The following GOLPH3L variants were observed in gnomAD, a reference collection of about 807,000 sequenced individuals.
GOLPH3L encodes Golgi phosphoprotein 3-like.
In GOLPH3L, 22 loss-of-function variants were observed where a neutral mutation model predicts 30.3. The ratio of observed to expected loss-of-function variants is 0.73; its 90% confidence interval spans 0.52 to 1.04. The LOEUF (loss-of-function observed/expected upper bound fraction) is 1.04. GOLPH3L is among the 50% of genes least tolerant of loss of function. GOLPH3L has a pLI of 0.00. For synonymous variants in GOLPH3L, 120 were observed against 128.2 expected (o/e 0.94, Z 0.43); for missense variants, 303 against 345.8 (o/e 0.88, Z 0.98).
rs147150176 is a variant in GOLPH3L at position 150,670,799 on chromosome 1, T to C, written c.184-7036A>G. On this transcript the variant is annotated intron_variant, in intron 2 of 4. Transcript: ENST00000271732. Reference sequence around the variant, plus strand: ...GTGGTAACTTTTTTCATTAACCCATTATTCTGGGTATCATTCCACATCAGT... The same window carrying C: ...GTGGTAACTTTTTTCATTAACCCATCATTCTGGGTATCATTCCACATCAGT... Among the ~76,000 whole-genome samples, 399 of 152,322 alleles carry C rather than the reference T, an allele frequency of 2.6e-3. 6 individuals are homozygous for C. In the Middle Eastern group the frequency reaches 0.044, roughly 17 times the overall value.
Position 150,648,519 on chromosome 1 carries a change from C to T in GOLPH3L, c.660G>A (p.Lys220=), listed in dbSNP as rs974773768. The T allele has an allele frequency of 6.2e-7, 1 of 1,613,976 alleles. No individual in the cohort carries two copies. Among genetic ancestry groups the T allele is most frequent in the Non-Finnish European group, 8.5e-7 (1 of 1,179,852 alleles). The part of the protein sequence containing the change: ...RWVNDPQRMD[K]RTLALLVLAH... ...CTAGCACCAGGAGTGCTAGTGTTCG[C>T]TTGTCCATACGCTGAGGGTCATTTA... Residue 220 remains lysine, a synonymous_variant, in exon 5 of 5, where the codon AAG becomes AAA. Transcript: ENST00000271732.
At chr1:150,670,108 A>G (rs1022040368) in intron 2 of GOLPH3L, among the ~76,000 whole-genome samples, 5 of 151,804 alleles carry the variant, frequency 3.3e-5, no homozygotes, top group African/African-American at 9.7e-5. Flanking sequence ...TAAAAAATAT[A>G]AAAATTGGCC....
intron 2 of GOLPH3L, among the ~76,000 whole-genome samples, chr1:150,675,594 T>C (rs369709115): frequency 2.6e-5 from 4 of 151,608 alleles, no homozygotes; most frequent in African/African-American, 7.3e-5. Context: ...GGGCAGCATG[T>C]TGAAACCCCG....
At chr1:150,667,848 C>A (rs1231928777) in intron 2 of GOLPH3L, among the ~76,000 whole-genome samples, 1 of 152,090 alleles carries the variant, frequency 6.6e-6, no homozygotes, top group Non-Finnish European at 1.5e-5. Flanking sequence ...CCTGCCTCGG[C>A]CTCCCAAAGT....
At chr1:150,655,221 T>C (rs189617372) in intron 4 of GOLPH3L, among the ~76,000 whole-genome samples, 1 of 152,310 alleles carries the variant, frequency 6.6e-6, no homozygotes, top group East Asian at 1.9e-4. Context: ...TCTACAGCAC[T>C]GGCCGTCTGC....
At chr1:150,676,471 T>A (rs1650779648) in intron 2 of GOLPH3L, among the ~76,000 whole-genome samples, 1 of 152,010 alleles carries the variant, frequency 6.6e-6, no homozygotes, top group African/African-American at 2.4e-5. Flanking sequence ...TAGGATTTTT[T>A]AAAAAAAGAA....
At chr1:150,679,830 T>C (rs1650908829) in intron 2 of GOLPH3L, among the ~76,000 whole-genome samples, 1 of 151,840 alleles carries the variant, frequency 6.6e-6, no homozygotes, top group African/African-American at 2.4e-5. Context: ...AAAGGCCAAG[T>C]GTGGTGGCTC....
intron 2 of GOLPH3L, among the ~76,000 whole-genome samples, chr1:150,691,905 CTT>C (rs56889576): frequency 5.0e-5 from 7 of 141,108 alleles, no homozygotes; most frequent in East Asian, 4.2e-4. Context: ...ATGGATGACT[CTT>C]TTTTTTTTTT....
intron 2 of GOLPH3L, among the ~76,000 whole-genome samples, chr1:150,681,503 G>C (rs945868403): frequency 3.3e-5 from 5 of 152,146 alleles, no homozygotes; most frequent in Non-Finnish European, 7.3e-5. Context: ...AAATGGGACT[G>C]GAGTGGTAAG....
intron 2 of GOLPH3L, among the ~76,000 whole-genome samples, chr1:150,684,224 C>A (rs892076623): frequency 1.3e-5 from 2 of 152,222 alleles, no homozygotes; most frequent in African/African-American, 4.8e-5. Context: ...AAATTAATTT[C>A]TGTCATTTAA....
intron 2 of GOLPH3L, among the ~76,000 whole-genome samples, chr1:150,693,821 A>ATGTGTGTGTG (rs1651269927): frequency 2.0e-5 from 1 of 51,276 alleles, no homozygotes; most frequent in Admixed American, 3.4e-4. Context: ...GTGTGTGTGT[A>ATGTGTGTGTG]TATATATATA....
At chr1:150,680,711 G>T (rs1450454995) in intron 2 of GOLPH3L, among the ~76,000 whole-genome samples, 1 of 152,100 alleles carries the variant, frequency 6.6e-6, no homozygotes, top group Non-Finnish European at 1.5e-5. Flanking sequence ...TTTATGCCCA[G>T]CATTCAACTA....
chr1:150,691,849 T>C (rs990511374), intron 2 of GOLPH3L, among the ~76,000 whole-genome samples: 1 of 152,150 alleles, frequency 6.6e-6, no homozygotes, highest in African/African-American at 2.4e-5. Context: ...ATAACAATGT[T>C]CATTTTCATT....
intron 4 of GOLPH3L, 33 bp from the exon 5 acceptor site, chr1:150,648,781 T>A (rs762659335): frequency 1.4e-6 from 2 of 1,409,602 alleles, no homozygotes; most frequent in Non-Finnish European, 2.0e-6. Context: ...CATAATGAAC[T>A]GAAAGAGAAA....
At chr1:150,662,691 TGTATA>T (rs780661225) in intron 3 of GOLPH3L, among the ~76,000 whole-genome samples, 6 of 152,030 alleles carry the variant, frequency 3.9e-5, no homozygotes, top group Non-Finnish European at 8.8e-5. Flanking sequence ...AAGGAAACAG[TGTATA>T]GTCAGAGAAG....
At chr1:150,683,018 C>T (rs187315701) in intron 2 of GOLPH3L, among the ~76,000 whole-genome samples, 68 of 152,266 alleles carry the variant, frequency 4.5e-4, no homozygotes, top group Non-Finnish European at 6.3e-4. Flanking sequence ...TATCTTTTCT[C>T]CTCTATCAAA....
Position 150,647,475 on chromosome 1 carries a change from A to G in GOLPH3L, c.*846T>C, listed in dbSNP as rs1356883263. 1 of 152,552 alleles carries G rather than the reference A, an allele frequency of 6.6e-6. No homozygotes were observed. Among genetic ancestry groups the G allele is most frequent in the Non-Finnish European group, 1.5e-5 (1 of 68,342 alleles). 9.4% of individuals were successfully genotyped at this position (152,552 alleles called of 1,614,324 possible). Reference sequence around the variant, plus strand: ...ACTACTGTACTCCTGCCTGGGCAAGAGCAAGACCCTGTCTCAAAAGAAAAA... The same window carrying G: ...ACTACTGTACTCCTGCCTGGGCAAGGGCAAGACCCTGTCTCAAAAGAAAAA... On this transcript the variant is annotated 3_prime_UTR_variant, in exon 5 of 5. Transcript: ENST00000271732.
At chr1:150,693,927 T>C (rs1273592931) in intron 2 of GOLPH3L, among the ~76,000 whole-genome samples, 2 of 140,438 alleles carry the variant, frequency 1.4e-5, no homozygotes, top group African/African-American at 5.3e-5. Flanking sequence ...TGGTGCAATC[T>C]TGGCTCATTG....
At chr1:150,685,350 A>G (rs1219134591) in intron 2 of GOLPH3L, among the ~76,000 whole-genome samples, 1 of 152,226 alleles carries the variant, frequency 6.6e-6, no homozygotes, top group Non-Finnish European at 1.5e-5. Context: ...GACCTGAAAA[A>G]TAACTCATAT....
Sources: allele counts gnomAD v4.1 joint callset (sites outside exome capture counted in the v4.1 genomes callset), GRCh38; gene constraint gnomAD v4.1.1; transcripts MANE v1.5; gene names NCBI Gene and HGNC (gene_info 2026-07-23, HGNC 2026-07-21).